ATP11C: variants seen among roughly 807,000 people sequenced by gnomAD.
The protein encoded by ATP11C is ATPase phospholipid transporting 11C (ATP11C blood group).
In ATP11C, 36 loss-of-function variants were observed where a neutral mutation model predicts 97.4. The observed-to-expected ratio is 0.37, with a 90% CI of 0.28 to 0.49. The LOEUF is 0.49. Among genes scored for constraint, ATP11C ranks in the 20% least tolerant of loss-of-function variants. The pLI, the probability that ATP11C is intolerant of heterozygous loss-of-function variation, is 0.98. For synonymous variants in ATP11C, 275 were observed against 290.9 expected, an observed-to-expected ratio of 0.95 and a Z score of 0.56; for missense variants, 730 against 824.6, an observed-to-expected ratio of 0.89 and a Z score of 1.40.
At chrX:139,906,929 A>T (rs182255425) in intron 1 of ATP11C, among the ~76,000 whole-genome samples, 271 of 111,745 alleles carry the variant, frequency 2.4e-3, no homozygotes, top group African/African-American at 7.7e-3. Flanking sequence ...AGACTCAAGC[A>T]TGTTAAAACC....
chrX:139,834,533 T>C (rs909955002), intron 1 of ATP11C, among the ~76,000 whole-genome samples: 3 of 112,047 alleles, frequency 2.7e-5, no homozygotes, highest in African/African-American at 9.7e-5. Context: ...TAATTATTCC[T>C]AAAACATGCT....
At chrX:139,845,012 GGT>G (rs1298772919) in intron 1 of ATP11C, among the ~76,000 whole-genome samples, 5 of 112,216 alleles carry the variant, frequency 4.5e-5, no homozygotes, top group African/African-American at 1.6e-4. Context: ...ATGATTAAGT[GGT>G]TAAGGGGTTG....
intron 26 of ATP11C, among the ~76,000 whole-genome samples, chrX:139,742,912 T>A (rs5008383): frequency 0.11 from 10,394 of 91,299 alleles, 805 homozygotes; most frequent in East Asian, 0.31. Context: ...TATATATATA[T>A]AAAAATAGAG....
chrX:139,913,715 A>T (rs1185334912), intron 1 of ATP11C, among the ~76,000 whole-genome samples: 1 of 110,844 alleles, frequency 9.0e-6, no homozygotes, highest in African/African-American at 3.3e-5. Context: ...AAATCCTATA[A>T]AACAGTCCCA....
rs997604397 is a variant in ATP11C, at chrX:139,900,542, C to T, written c.27+31474G>A. On this transcript the variant is annotated intron_variant, in intron 1 of 29. Transcript: ENST00000682941. ...ACTATAGAATCCTGGACTTATATGG[C>T]AGTATATAAAAGTCAGGAATTCAGG... 3.6e-5 allele frequency among the ~76,000 whole-genome samples: 4 copies of T among 111,239 alleles called. No individual in the cohort carries two copies. The Admixed American group carries it at 3.9e-4, about 11-fold the overall frequency.
Position 139,726,838 on chromosome X carries a change from C to T in ATP11C, c.*2128G>A, listed in dbSNP as rs748269830. 9.0e-6 allele frequency: 1 copy of T among 111,358 alleles called. No individual in the cohort carries two copies. Among genetic ancestry groups the T allele is most frequent in the East Asian group, 2.8e-4 (1 of 3,529 alleles). 9.2% of individuals were successfully genotyped at this position (111,358 alleles called of 1,213,427 possible). A position where few individuals can be genotyped will look rare whatever the true frequency, so the allele number is the denominator to read the frequency against. The stretch of plus-strand genomic sequence containing the variant: ...GTGATTACATTGAGTGCTAGGAATA[C>T]TGCATGGTCTATTTCAAGTTATTCG... On this transcript the variant is annotated 3_prime_UTR_variant, in exon 30 of 30. Coordinates refer to ENST00000682941, the MANE Select transcript of ATP11C (RefSeq NM_001353812.2).
At chrX:139,818,215 C>T (rs1390939022) in intron 3 of ATP11C, among the ~76,000 whole-genome samples, 1 of 112,044 alleles carries the variant, frequency 8.9e-6, no homozygotes, top group Non-Finnish European at 1.9e-5. Context: ...ATACCCAAAG[C>T]ATTCTGTTAA....
chrX:139,796,337 T>A lies in ATP11C; in HGVS notation c.1142A>T (p.Tyr381Phe). 1 of 1,206,955 alleles carries A rather than the reference T, an allele frequency of 8.3e-7. No homozygotes were observed. The highest frequency in any genetic ancestry group is 2.2e-5 in the Admixed American group (1 of 45,662). Reference sequence around the variant, plus strand: ...GGCTCCTTCATTAATTTCTTCATCATAAAAGTCCTTATCCCATGAGATGAA... The same window carrying A: ...GGCTCCTTCATTAATTTCTTCATCAAAAAAGTCCTTATCCCATGAGATGAA... ...SFFISWDKDF[Y>F]DEEINEGALV... Residue 381 changes from tyrosine (Y) to phenylalanine (F), a missense_variant, in exon 12 of 30, where the codon TAT becomes TTT. Transcript: ENST00000682941.
intron 20 of ATP11C, among the ~76,000 whole-genome samples, chrX:139,767,547 G>A (rs896918448): frequency 9.0e-6 from 1 of 111,569 alleles, no homozygotes; most frequent in Non-Finnish European, 1.9e-5. Flanking sequence ...TTTTTGTGAC[G>A]GTAGGGAATC....
In ATP11C at chrX:139,932,101, G is replaced by C. The variant is rs2085446547; in HGVS notation, c.-59C>G. On this transcript the variant is annotated 5_prime_UTR_variant, in exon 1 of 30. Transcript: ENST00000682941. ...CTACCGGGCTGTCTGGGAAGGCGCCGTCCACAAAACACACTGCGGCGTGGG... is the reference window on the plus strand; with the variant it reads ...CTACCGGGCTGTCTGGGAAGGCGCCCTCCACAAAACACACTGCGGCGTGGG... The C allele has an allele frequency of 9.1e-7, 1 of 1,096,373 alleles. No homozygotes were observed. Among genetic ancestry groups the C allele is most frequent in the African/African-American group, 1.8e-5 (1 of 54,191 alleles). 90.4% of individuals were successfully genotyped at this position (1,096,373 alleles called of 1,213,427 possible). A position where few individuals can be genotyped will look rare whatever the true frequency, so the allele number is the denominator to read the frequency against.
chrX:139,839,673 A>G (rs1347108731), intron 1 of ATP11C, among the ~76,000 whole-genome samples: 1 of 111,375 alleles, frequency 9.0e-6, no homozygotes, highest in African/African-American at 3.3e-5. Context: ...CCACACAACA[A>G]CCATGTGCAA....
intron 1 of ATP11C, among the ~76,000 whole-genome samples, chrX:139,827,708 A>T (rs1383072972): frequency 1.8e-5 from 2 of 111,678 alleles, no homozygotes; most frequent in African/African-American, 6.5e-5. Flanking sequence ...ATTATTTTTT[A>T]GAACTATAAT....
intron 20 of ATP11C, among the ~76,000 whole-genome samples, chrX:139,766,161 T>C (rs2082130582): frequency 8.9e-6 from 1 of 112,089 alleles, no homozygotes; most frequent in South Asian, 3.7e-4. Flanking sequence ...GGATTGGAGA[T>C]AGTGACTTGA....
At chrX:139,761,577 G>A (rs1407496205) in intron 22 of ATP11C, among the ~76,000 whole-genome samples, 2 of 110,762 alleles carry the variant, frequency 1.8e-5, no homozygotes, top group South Asian at 3.8e-4. Flanking sequence ...TGATCCTCCC[G>A]CCTTGGCCTC....
intron 11 of ATP11C, among the ~76,000 whole-genome samples, chrX:139,796,672 T>C (rs149258208): frequency 1.1e-3 from 119 of 112,232 alleles, no homozygotes; most frequent in African/African-American, 3.7e-3. Context: ...CTCTCAATTT[T>C]ATCATTATTC....
In ATP11C at chrX:139,768,373, G is replaced by T. The variant is rs759108325; in HGVS notation, c.2278C>A (p.Leu760Ile). Residue 760 changes from leucine to isoleucine, a missense_variant, in exon 20 of 30, where the codon CTA becomes ATA. Leu to Ile is a conservative substitution (Grantham distance 5, BLOSUM62 2). Transcript: ENST00000682941. ...IIDGSTLSLI[L>I]NSSQDSSSNN... ...GAACTAGAGTCTTGACTAGAATTTA[G>T]TATGAGTGACAATGTGGAGCCATCT... The T allele has an allele frequency of 1.9e-5, 22 of 1,169,466 alleles. No homozygotes were observed. The highest frequency in any genetic ancestry group is 1.1e-6 in the Non-Finnish European group (1 of 872,541).
At chrX:139,754,502 T>A in intron 23 of ATP11C, among the ~76,000 whole-genome samples, 1 of 111,938 alleles carries the variant, frequency 8.9e-6, no homozygotes, top group Non-Finnish European at 1.9e-5. Flanking sequence ...GCCAGCATCA[T>A]TCTGATACGG....
chrX:139,911,656 T>TAC (rs199906690), intron 1 of ATP11C, among the ~76,000 whole-genome samples: 15 of 109,742 alleles, frequency 1.4e-4, no homozygotes, highest in African/African-American at 3.0e-4. Context: ...ATGCAAATCC[T>TAC]ACACACACAC....
intron 6 of ATP11C, 84 bp from the exon 7 acceptor site, chrX:139,802,423 T>C: frequency 1.9e-6 from 1 of 538,043 alleles, no homozygotes; most frequent in Non-Finnish European, 3.1e-6. Context: ...GAAACAAATT[T>C]AGTTTATGTT....
Sources: allele counts gnomAD v4.1 joint callset (sites outside exome capture counted in the v4.1 genomes callset), GRCh38; gene constraint gnomAD v4.1.1; transcripts MANE v1.5; gene names NCBI Gene and HGNC (gene_info 2026-07-23, HGNC 2026-07-21).